The following LIG1 variants were observed in gnomAD, a reference collection of about 807,000 sequenced individuals.
LIG1 encodes the protein DNA ligase 1.
Under a neutral mutation model 115.7 loss-of-function variants are expected in LIG1, and 70 were observed. The observed-to-expected ratio is 0.60, with a 90% confidence interval of 0.50 to 0.74. The LOEUF is 0.74. Among genes scored for constraint, LIG1 ranks in the 30% least tolerant of loss-of-function variants. The pLI is 0.00. For missense variants in LIG1, 1,115 were observed against 1,225.6 expected, an observed-to-expected ratio of 0.91 and a Z score of 1.35; for synonymous variants, 487 against 495.3, an observed-to-expected ratio of 0.98 and a Z score of 0.22.
At position 48,122,749 on chromosome 19, in the gene LIG1, C is replaced by T. The variant is rs56345467; in HGVS notation, c.2232+185G>A. On this transcript the variant is annotated intron_variant, in intron 23 of 27. Transcript: ENST00000263274. This position sits in a 1 kb window ranked among gnomAD's most constrained non-coding sequence, Gnocchi z 4.3. ...GCTGGGGCTGTTCTCCATCAGAACT[C>T]GTGAGCAAGGGCTCGCAGCAGGGAG... Among the ~76,000 whole-genome samples the T allele has an allele frequency of 3.5e-4, 53 of 152,206 alleles. No individual in the cohort carries two copies. In the East Asian group the frequency reaches 7.3e-3, roughly 21 times the overall value.
chr19:48,123,045 G>A (rs2033405904), intron 22 of LIG1, 29 bp from the exon 23 acceptor site: 2 of 1,612,542 alleles, frequency 1.2e-6, no homozygotes, highest in African/African-American at 1.3e-5. Flanking sequence ...CGTGGTCCTT[G>A]GGAAGCCCTG....
At chr19:48,162,810 A>T (rs1467725874) in intron 2 of LIG1, among the ~76,000 whole-genome samples, 1 of 152,206 alleles carries the variant, frequency 6.6e-6, no homozygotes, top group African/African-American at 2.4e-5. Flanking sequence ...ACTGATAAGG[A>T]AACTCAGACT....
chr19:48,151,115 G>T (rs1398260442), intron 7 of LIG1, 117 bp downstream of exon 7: 5 of 657,514 alleles, frequency 7.6e-6, no homozygotes, highest in Non-Finnish European at 8.3e-6. Flanking sequence ...TTCTAGATTC[G>T]GCATTTAAGC....
At chr19:48,120,069 G>GA (rs2122329620) in intron 24 of LIG1, 1 of 462,124 alleles carries the variant, frequency 2.2e-6, no homozygotes, top group African/African-American at 2.1e-5. Flanking sequence ...AATGCAAAAT[G>GA]GTGACAATGT....
Position 48,167,204 on chromosome 19 carries a change from G to T in LIG1, c.-57-1581C>A, listed in dbSNP as rs114372234. Among the ~76,000 whole-genome samples the T allele has an allele frequency of 8.0e-3, 1,206 of 151,070 alleles. 10 individuals carry two copies. Among genetic ancestry groups the T allele is most frequent in the African/African-American group, 0.028 (1,141 of 41,312 alleles). On this transcript the variant is annotated intron_variant, in intron 1 of 27. Transcript: ENST00000263274. ...TATATCTTTAATATTTATAATGGAA[G>T]AAAATAAATTACACATTATAATTAT...
chr19:48,137,427 C>T lies in LIG1; in HGVS notation c.1254+95G>A. 1 of 1,494,392 alleles carries T rather than the reference C, an allele frequency of 6.7e-7. No individual in the cohort carries two copies. Among genetic ancestry groups the T allele is most frequent in the Non-Finnish European group, 9.1e-7 (1 of 1,099,300 alleles). The allele number at this position is 1,494,392 out of a possible 1,614,324, so 92.6% of individuals were successfully genotyped here. ...CCCCATGAGAAGGACTGATGCGACC[C>T]AGCTGATGGTCTACCCAGAAGCCTT... On this transcript the variant is annotated intron_variant, in intron 13 of 27. Coordinates refer to ENST00000263274, the MANE Select transcript of LIG1 (RefSeq NM_000234.3). The surrounding 1 kb of genome is among the most constrained non-coding windows in gnomAD (Gnocchi z 4.3).
In LIG1 at chr19:48,132,790, C is replaced by CAAAAAAAAAAAAAA. The variant is rs71181649; in HGVS notation, c.1725+178_1725+191dup. 1.1e-3 allele frequency among the ~76,000 whole-genome samples: 51 copies of CAAAAAAAAAAAAAA among 48,258 alleles called. 6 individuals are homozygous for CAAAAAAAAAAAAAA. Among genetic ancestry groups the CAAAAAAAAAAAAAA allele is most frequent in the African/African-American group, 3.5e-3 (32 of 9,048 alleles). 31.7% of individuals were successfully genotyped at this position (48,258 alleles called of 152,430 possible). A position where few individuals can be genotyped will look rare whatever the true frequency, so the allele number is the denominator to read the frequency against. Reference sequence around the variant, plus strand: ...TGGATGACAGAGTGAGACTCTGTCTCAAAAAAAAAAAAAAAAAAAAAAAAA... The same window carrying CAAAAAAAAAAAAAA: ...TGGATGACAGAGTGAGACTCTGTCTCAAAAAAAAAAAAAAAAAAAAAAAAAAAAAAAAAAAAAAA... On this transcript the variant is annotated intron_variant, in intron 18 of 27. Coordinates refer to ENST00000263274, the MANE Select transcript of LIG1 (RefSeq NM_000234.3).
chr19:48,116,513 G>C (rs2032845096), intron 26 of LIG1, among the ~76,000 whole-genome samples: 1 of 151,654 alleles, frequency 6.6e-6, no homozygotes, highest in Non-Finnish European at 1.5e-5. Context: ...TTCGGGCTGA[G>C]AGGCTGAACT....
intron 3 of LIG1, 57 bp from the exon 4 acceptor site, chr19:48,161,564 C>A (rs181246582): frequency 2.5e-4 from 391 of 1,592,984 alleles, no homozygotes; most frequent in Non-Finnish European, 3.1e-4. Context: ...AGAGTGGGGG[C>A]ACTGCCCGCA....
intron 2 of LIG1, among the ~76,000 whole-genome samples, chr19:48,162,655 G>A (rs759133654): frequency 6.6e-6 from 1 of 151,966 alleles, no homozygotes; most frequent in Admixed American, 6.6e-5. Flanking sequence ...GGATGGTCTC[G>A]ATCTCCTGAC....
chr19:48,140,179 C>T (rs1049837518), intron 11 of LIG1, 36 bp from the exon 12 acceptor site: 3 of 1,570,070 alleles, frequency 1.9e-6, no homozygotes, highest in Non-Finnish European at 8.7e-7. Flanking sequence ...CACGTGGTTC[C>T]TCAAGGTCAA....
chr19:48,162,433 CTTT>C (rs781263098), intron 2 of LIG1, 82 bp from the exon 3 acceptor site: 6,903 of 618,758 alleles, frequency 0.011, no homozygotes, highest in Middle Eastern at 0.014. Context: ...CTATAACTTC[CTTT>C]TTTTTTTTTT....
intron 21 of LIG1, among the ~76,000 whole-genome samples, chr19:48,124,214 G>A (rs2033506937): frequency 6.6e-6 from 1 of 152,178 alleles, no homozygotes; most frequent in Non-Finnish European, 1.5e-5. Context: ...TGTTTTCCAT[G>A]GACAGCTTTT....
intron 9 of LIG1, among the ~76,000 whole-genome samples, chr19:48,149,398 TC>T (rs1218552362): frequency 6.6e-6 from 1 of 152,060 alleles, no homozygotes; most frequent in Admixed American, 6.5e-5. Context: ...GCTTAGATTT[TC>T]TCCTGACGGC....
At chr19:48,156,104 G>A (rs1287379465) in intron 5 of LIG1, among the ~76,000 whole-genome samples, 1 of 152,170 alleles carries the variant, frequency 6.6e-6, no homozygotes, top group Non-Finnish European at 1.5e-5. Context: ...TCCCCAAGCT[G>A]GTTTTCCAGG....
chr19:48,133,133 A>G (rs754704999), intron 17 of LIG1, 36 bp from the exon 18 acceptor site: 10 of 1,347,346 alleles, frequency 7.4e-6, no homozygotes, highest in Non-Finnish European at 1.1e-5. Flanking sequence ...AGGAGAGGGA[A>G]GGCAATGGAT....
intron 2 of LIG1, among the ~76,000 whole-genome samples, chr19:48,164,785 A>G (rs1275745337): frequency 6.6e-6 from 1 of 152,220 alleles, no homozygotes; most frequent in African/African-American, 2.4e-5. Context: ...GTCTTCCTGA[A>G]GCCGGACTGC....
chr19:48,128,971 G>A (rs1194251741), intron 19 of LIG1, among the ~76,000 whole-genome samples: 1 of 152,120 alleles, frequency 6.6e-6, no homozygotes, highest in Non-Finnish European at 1.5e-5. Flanking sequence ...TGTTGGCCAG[G>A]CTGGTCTCGA....
At chr19:48,131,836 G>A (rs960584303) in intron 18 of LIG1, among the ~76,000 whole-genome samples, 1 of 151,656 alleles carries the variant, frequency 6.6e-6, no homozygotes, top group Non-Finnish European at 1.5e-5. Context: ...AGGAACAGTT[G>A]TCAAGAAATC....
Sources: gnomAD v4.1 joint callset for allele counts (sites outside exome capture counted in the v4.1 genomes callset) on GRCh38, gnomAD v4.1.1 for gene constraint, Gnocchi (gnomAD v3.1) non-coding constraint, MANE v1.5 for transcripts, NCBI Gene and HGNC (gene_info 2026-07-23, HGNC 2026-07-21) for gene names.